The following SLC2A9 variants were observed in gnomAD, a reference collection of about 807,000 sequenced individuals.
The protein encoded by SLC2A9 is solute carrier family 2 member 9, also known as solute carrier family 2, facilitated glucose transporter member 9.
SLC2A9 carries 39 observed loss-of-function variants against 50.6 expected under a neutral mutation model. The ratio of observed to expected loss-of-function variants is 0.77; its 90% confidence interval spans 0.60 to 1.01. The LOEUF (loss-of-function observed/expected upper bound fraction) is 1.01, where lower values mean the gene tolerates loss of function less well. SLC2A9 is among the 50% of genes least tolerant of loss of function. SLC2A9 has a pLI of 0.00. For synonymous variants in SLC2A9, 324 were observed against 276.9 expected (o/e 1.17, Z -1.69); for missense variants, 686 against 677.6 (o/e 1.01, Z -0.14).
In SLC2A9 at chr4:9,908,279, T is replaced by C; in HGVS notation, c.1069A>G (p.Thr357Ala). ...GIPPAKIPYV[T>A]LSTGGIETLA... ...GTCTCGATGCCCCCTGTACTCAAGG[T>C]GACGTATGGGATCTTTGCCGGAGGG... Residue 357 changes from threonine (T) to alanine (A), a missense_variant, in exon 8 of 12, where the codon ACC (threonine) becomes GCC (alanine). By Grantham distance (58) the Thr-to-Ala change is moderately conservative. Transcript: ENST00000264784. 2 of 1,614,104 alleles carry C rather than the reference T, an allele frequency of 1.2e-6. No homozygotes were observed. The highest frequency in any genetic ancestry group is 2.2e-5 in the East Asian group (1 of 44,882).
intron 3 of SLC2A9, among the ~76,000 whole-genome samples, chr4:9,820,589 T>C (rs1293773155): frequency 6.6e-6 from 1 of 152,236 alleles, no homozygotes; most frequent in Non-Finnish European, 1.5e-5. Context: ...TATCTTTCCA[T>C]TTATTCGTTC....
At chr4:9,863,610 T>C (rs1731994632) in intron 10 of SLC2A9, among the ~76,000 whole-genome samples, 1 of 152,114 alleles carries the variant, frequency 6.6e-6, no homozygotes, top group Non-Finnish European at 1.5e-5. Flanking sequence ...CTGACAAGCT[T>C]GATTTTATAT....
chr4:10,016,339 C>A (rs148062474), intron 2 of SLC2A9, among the ~76,000 whole-genome samples: 2 of 152,304 alleles, frequency 1.3e-5, no homozygotes, highest in East Asian at 3.9e-4. Context: ...AGTCAGTGAA[C>A]AGTGTGCCTC....
intron 10 of SLC2A9, chr4:9,878,913 A>G (rs1057232979): frequency 2.3e-6 from 1 of 436,652 alleles, no homozygotes; most frequent in Non-Finnish European, 3.0e-6. Flanking sequence ...GGTGTGGAAA[A>G]CATGTGTTTG....
chr4:10,004,650 A>AAGCCACTG (rs1192408169), intron 2 of SLC2A9, among the ~76,000 whole-genome samples: 1 of 152,182 alleles, frequency 6.6e-6, no homozygotes, highest in Admixed American at 6.5e-5. Context: ...TCACTGTGTT[A>AAGCCACTG]AGCCACTGAG....
At chr4:9,802,267 T>TC (rs1375267508) in intron 3 of SLC2A9, among the ~76,000 whole-genome samples, 8 of 116,450 alleles carry the variant, frequency 6.9e-5, no homozygotes, top group Non-Finnish European at 1.7e-4. Flanking sequence ...TGAAAAATGC[T>TC]CTTTTTTTTT....
chr4:9,784,595 T>C (rs1463238176), intron 3 of SLC2A9, among the ~76,000 whole-genome samples: 3 of 152,226 alleles, frequency 2.0e-5, no homozygotes, highest in African/African-American at 7.2e-5. Flanking sequence ...GAAATGTGAA[T>C]GAACTTGAAA....
At chr4:9,997,080 T>C (rs765108928) in intron 2 of SLC2A9, 139 bp from the exon 3 acceptor site, 32 of 947,036 alleles carry the variant, frequency 3.4e-5, no homozygotes, top group Non-Finnish European at 4.5e-5. Flanking sequence ...CTTTATCTCA[T>C]TGGCCTCTTC....
chr4:9,942,289 C>T (rs1748304170), intron 5 of SLC2A9, among the ~76,000 whole-genome samples: 1 of 152,196 alleles, frequency 6.6e-6, no homozygotes, highest in Admixed American at 6.5e-5. Flanking sequence ...TGCAAGGTAG[C>T]TCTGAAAAGC....
chr4:9,923,533 CAG>C (rs1260031598), intron 6 of SLC2A9, among the ~76,000 whole-genome samples: 3 of 152,074 alleles, frequency 2.0e-5, no homozygotes, highest in Non-Finnish European at 4.4e-5. Flanking sequence ...TGCAGATGGA[CAG>C]AGGGGAGCCA....
In SLC2A9 at chr4:9,948,482, A is replaced by C. The variant is rs187805226; in HGVS notation, c.682-6437T>G. Among the ~76,000 whole-genome samples the C allele has an allele frequency of 9.9e-5, 15 of 152,280 alleles. No homozygotes were observed. The East Asian group carries it at 2.9e-3, about 29-fold the overall frequency. ...TGGTGGTGCATGGCCCAGAACTGACAAGCTTGACTTATAGCTGCTGGGAGC... is the reference window on the plus strand; with the variant it reads ...TGGTGGTGCATGGCCCAGAACTGACCAGCTTGACTTATAGCTGCTGGGAGC... On this transcript the variant is annotated intron_variant, in intron 5 of 11. Transcript: ENST00000264784.
chr4:9,795,990 C>G (rs1207469889), downstream of SLC2A9, among the ~76,000 whole-genome samples: 5 of 152,132 alleles, frequency 3.3e-5, no homozygotes, highest in South Asian at 8.3e-4. Context: ...AGTAATAGTC[C>G]CACTTTACAG....
At chr4:10,037,427 C>A (rs953375428) in intron 1 of SLC2A9, among the ~76,000 whole-genome samples, 3 of 152,156 alleles carry the variant, frequency 2.0e-5, no homozygotes. Flanking sequence ...AAACCTTTTT[C>A]TCCTGGCCTC....
At chr4:10,012,347 AAG>A (rs1761901365) in intron 2 of SLC2A9, among the ~76,000 whole-genome samples, 1 of 152,240 alleles carries the variant, frequency 6.6e-6, no homozygotes, top group Non-Finnish European at 1.5e-5. Context: ...TTTGAGAGTG[AAG>A]AGACCTAAGG....
chr4:9,954,179 C>A (rs1750802506), intron 5 of SLC2A9, among the ~76,000 whole-genome samples: 1 of 152,138 alleles, frequency 6.6e-6, no homozygotes, highest in African/African-American at 2.4e-5. Context: ...CTCAAGAGAT[C>A]CACTTGCCTT....
At chr4:9,840,176 C>T (rs962998081) in intron 10 of SLC2A9, among the ~76,000 whole-genome samples, 3 of 152,134 alleles carry the variant, frequency 2.0e-5, no homozygotes, top group Non-Finnish European at 4.4e-5. Context: ...GTTTTAACTA[C>T]TCCCTTGGGC....
chr4:9,888,112 G>C (rs1470394774), intron 9 of SLC2A9, among the ~76,000 whole-genome samples: 1 of 122,104 alleles, frequency 8.2e-6, no homozygotes, highest in Non-Finnish European at 1.6e-5. Context: ...GCTGGGGCCT[G>C]TTTTGGGGGG....
intron 6 of SLC2A9, among the ~76,000 whole-genome samples, chr4:9,925,969 C>T (rs1276052379): frequency 6.6e-6 from 1 of 152,116 alleles, no homozygotes; most frequent in Non-Finnish European, 1.5e-5. Flanking sequence ...GAGTGACAGA[C>T]ACTGATGCAT....
At chr4:9,999,052 G>C (rs562230982) in intron 2 of SLC2A9, among the ~76,000 whole-genome samples, 1 of 148,452 alleles carries the variant, frequency 6.7e-6, no homozygotes, top group East Asian at 2.0e-4. Flanking sequence ...GAAATAACTG[G>C]GGAGGGACAC....
Sources: gnomAD v4.1 joint callset for allele counts (sites outside exome capture counted in the v4.1 genomes callset) on GRCh38, gnomAD v4.1.1 for gene constraint, MANE v1.5 for transcripts, NCBI Gene and HGNC (gene_info 2026-07-23, HGNC 2026-07-21) for gene names.